KANK4: variants seen among roughly 807,000 people sequenced by gnomAD.
The protein encoded by KANK4 is KN motif and ankyrin repeat domains 4.
In KANK4, 50 loss-of-function variants were observed where a neutral mutation model predicts 80.8. That is an observed-to-expected ratio of 0.62 (90% CI 0.49 to 0.78). The LOEUF is 0.78. Ranked by LOEUF, KANK4 falls within the 30% of genes least tolerant of loss-of-function variation. KANK4 has a pLI of 0.00. For synonymous variants in KANK4, 465 were observed against 506.9 expected (o/e 0.92, Z 1.11); for missense variants, 1,196 against 1,240.1 (o/e 0.96, Z 0.53).
chr1:62,255,119 T>C (rs11800812), intron 7 of KANK4, among the ~76,000 whole-genome samples: 2,968 of 151,642 alleles, frequency 0.02, 82 homozygotes, highest in African/African-American at 0.068. Context: ...ACTCCTGACC[T>C]CATGATCCAC....
intron 7 of KANK4, 37 bp downstream of exon 7, chr1:62,263,055 G>A: frequency 6.7e-7 from 1 of 1,503,240 alleles, no homozygotes; most frequent in Non-Finnish European, 9.2e-7. Flanking sequence ...GCTCTTCAAG[G>A]AGGGACCCAG....
At chr1:62,262,662 C>T (rs191570273) in intron 7 of KANK4, among the ~76,000 whole-genome samples, 100 of 152,204 alleles carry the variant, frequency 6.6e-4, no homozygotes, top group Non-Finnish European at 1.1e-3. Flanking sequence ...TACATACATT[C>T]CACGGAATAC....
At chr1:62,314,357 A>G (rs867948292) in intron 1 of KANK4, among the ~76,000 whole-genome samples, 85 of 152,142 alleles carry the variant, frequency 5.6e-4, no homozygotes, top group South Asian at 4.2e-4. Flanking sequence ...GGATGGCTAC[A>G]TTTTCCAAGG....
intron 1 of KANK4, among the ~76,000 whole-genome samples, chr1:62,284,878 T>C (rs748441431): frequency 1.3e-5 from 2 of 152,140 alleles, no homozygotes; most frequent in African/African-American, 2.4e-5. Context: ...CTTATTCCCA[T>C]GTCACCCCCA....
intron 7 of KANK4, among the ~76,000 whole-genome samples, chr1:62,260,002 TA>T (rs1389818998): frequency 6.6e-6 from 1 of 152,128 alleles, no homozygotes; most frequent in African/African-American, 2.4e-5. Context: ...GATTGACTGT[TA>T]ACTACCCCTT....
chr1:62,272,799 T>C (rs2666501), intron 3 of KANK4: 41,484 of 151,806 alleles, frequency 0.27, 6,332 homozygotes, highest in East Asian at 0.57. Context: ...TTTTCTTTTT[T>C]TTTTTTTTTG....
chr1:62,236,523 T>A lies in KANK4; in HGVS notation c.*1754A>T, dbSNP rs1671203890. 6.6e-6 allele frequency among the ~76,000 whole-genome samples: 1 copy of A among 152,072 alleles called. No individual in the cohort carries two copies. Among genetic ancestry groups the A allele is most frequent in the African/African-American group, 2.4e-5 (1 of 41,402 alleles). ...GTGTTCTGGGACTCTGAGCCTCTCTTATGAATCACAATGGCAAAAGAAGTT... is the reference window on the plus strand; with the variant it reads ...GTGTTCTGGGACTCTGAGCCTCTCTAATGAATCACAATGGCAAAAGAAGTT... On this transcript the variant is annotated 3_prime_UTR_variant, in exon 10 of 10. Transcript: ENST00000371153.
chr1:62,303,689 C>T (rs1335475416), intron 1 of KANK4, among the ~76,000 whole-genome samples: 1 of 151,942 alleles, frequency 6.6e-6, no homozygotes, highest in African/African-American at 2.4e-5. Flanking sequence ...ACCTGAATTT[C>T]AAAGACTTAA....
chr1:62,283,828 A>G (rs6691591), intron 1 of KANK4, among the ~76,000 whole-genome samples: 51,034 of 152,084 alleles, frequency 0.34, 8,894 homozygotes, highest in South Asian at 0.49. Context: ...AATTCAGCCC[A>G]TCGTATATCA....
chr1:62,270,572 TG>T (rs1159168658), intron 4 of KANK4, among the ~76,000 whole-genome samples: 2 of 152,048 alleles, frequency 1.3e-5, no homozygotes, highest in South Asian at 2.1e-4. Flanking sequence ...TTAGTAGAGA[TG>T]GGGTTTCACC....
In KANK4 at chr1:62,274,223, G is replaced by A. The variant is rs775900675; in HGVS notation, c.881C>T (p.Pro294Leu). Reference protein sequence around the residue: ...PSPPPLPSPIPENELLLEEIE... With the variant: ...PSPPPLPSPILENELLLEEIE... The stretch of plus-strand genomic sequence containing the variant: ...TTCTTCCAGGAGGAGCTCATTCTCA[G>A]GGATGGGTGATGGCAGAGGTGGCGG... The change falls in exon 3 of 10, where the codon CCT becomes CTT. Residue 294 changes from proline (P) to leucine (L), a missense_variant. Coordinates refer to ENST00000371153, the MANE Select transcript of KANK4 (RefSeq NM_181712.5). The A allele has an allele frequency of 2.2e-5, 35 of 1,614,012 alleles. No individual in the cohort carries two copies. The highest frequency in any genetic ancestry group is 3.0e-5 in the Non-Finnish European group (35 of 1,180,000).
chr1:62,253,695 A>G lies in KANK4; in HGVS notation c.2540-486T>C, dbSNP rs187939898. On this transcript the variant is annotated intron_variant, in intron 7 of 9. Transcript: ENST00000371153. ...GCAAAGTGCTGAGATTACAGGCATG[A>G]GCCACCGCGCCCAGCCAGCTGGTTA... Among the ~76,000 whole-genome samples the G allele has an allele frequency of 2.1e-3, 312 of 152,170 alleles. 3 individuals are homozygous for G. Among genetic ancestry groups the G allele is most frequent in the African/African-American group, 7.3e-3 (301 of 41,508 alleles).
In KANK4 at chr1:62,263,218, C is replaced by A. The variant is rs891387747; in HGVS notation, c.2413G>T (p.Val805Phe). 1 of 1,613,928 alleles carries A rather than the reference C, an allele frequency of 6.2e-7. No homozygotes were observed. Among genetic ancestry groups the A allele is most frequent in the Admixed American group, 1.7e-5 (1 of 59,956 alleles). Residue 805 changes from valine (V) to phenylalanine (F), a missense_variant, in exon 7 of 10, where the codon GTC becomes TTC. Around this residue, in one of 3 missense-constraint regions of KANK4, gnomAD observed 1,154 missense variants for 1,179.6 expected, o/e 0.98. Coordinates refer to ENST00000371153, the MANE Select transcript of KANK4 (RefSeq NM_181712.5). ...PAVVASYLHE[V>F]QPHSPHFLKL... ...AGGAAGTGTGGGGAGTGAGGCTGGA[C>A]CTCGTGGAGGTAGGAGGCCACCACG...
At chr1:62,291,913 AT>A (rs35258167) in intron 1 of KANK4, among the ~76,000 whole-genome samples, 1 of 152,038 alleles carries the variant, frequency 6.6e-6, no homozygotes, top group Non-Finnish European at 1.5e-5. Context: ...AGACAACTTT[AT>A]TTTTTTGCAT....
At chr1:62,244,072 T>TA (rs1215808570) in intron 9 of KANK4, among the ~76,000 whole-genome samples, 31 of 152,066 alleles carry the variant, frequency 2.0e-4, no homozygotes, top group Admixed American at 5.2e-4. Flanking sequence ...AGTATTTAGA[T>TA]AGAGTCTACT....
chr1:62,260,471 C>G (rs975512917), intron 7 of KANK4, among the ~76,000 whole-genome samples: 1 of 152,050 alleles, frequency 6.6e-6, no homozygotes, highest in African/African-American at 2.4e-5. Context: ...TTCTTCTTCT[C>G]AGTCAAAAAA....
chr1:62,293,697 G>A (rs2765263), intron 1 of KANK4, among the ~76,000 whole-genome samples: 43,206 of 152,030 alleles, frequency 0.28, 6,387 homozygotes, highest in Middle Eastern at 0.41. Context: ...ACAATACAGC[G>A]AAACTCCTGT....
Position 62,238,255 on chromosome 1 carries a change from A to G in KANK4, c.*22T>C. On this transcript the variant is annotated 3_prime_UTR_variant, in exon 10 of 10. Coordinates refer to ENST00000371153, the MANE Select transcript of KANK4 (RefSeq NM_181712.5). The stretch of plus-strand genomic sequence containing the variant: ...CCAGAGAAGAAGGCTTTTGTTCCCC[A>G]CGGCCAGTTCTTCTGCAGCCCCTAC... 1.3e-6 allele frequency: 2 copies of G among 1,574,942 alleles called. No individual in the cohort carries two copies. Among genetic ancestry groups the G allele is most frequent in the East Asian group, 2.2e-5 (1 of 44,648 alleles).
chr1:62,259,732 CATT>C (rs1451181750), intron 7 of KANK4, among the ~76,000 whole-genome samples: 7 of 147,758 alleles, frequency 4.7e-5, no homozygotes, highest in South Asian at 2.1e-4. Context: ...TAATTATATT[CATT>C]ATTATATAAA....
Sources: gnomAD v4.1 joint callset for allele counts (sites outside exome capture counted in the v4.1 genomes callset) on GRCh38, gnomAD v4.1.1 for gene constraint, gnomAD v4.1.1 regional missense constraint, MANE v1.5 for transcripts, NCBI Gene and HGNC (gene_info 2026-07-23, HGNC 2026-07-21) for gene names.